The following F2 variants were observed in gnomAD, a reference collection of about 807,000 sequenced individuals.
The protein encoded by F2 is coagulation factor II, thrombin.
A neutral mutation model predicts 81.9 loss-of-function variants in F2; 34 were observed. The ratio of observed to expected loss-of-function variants is 0.42; its 90% CI spans 0.32 to 0.55. The LOEUF is 0.55. Ranked by LOEUF, F2 falls within the 20% of genes least tolerant of loss-of-function variation. The pLI is 0.18. For missense variants in F2, 630 were observed against 833.4 expected, an observed-to-expected ratio of 0.76 and a Z score of 3.00; for synonymous variants, 296 against 326.4, an observed-to-expected ratio of 0.91 and a Z score of 1.01.
In F2 at chr11:46,726,416, G is replaced by T. The variant is rs2064873239; in HGVS notation, c.875-82G>T. Reference sequence around the variant, plus strand: ...ACCTCTGCACCAAATGGCCTCCAAGGCCCGTAGGGGAATTGGGGGGATCTA... The same window carrying T: ...ACCTCTGCACCAAATGGCCTCCAAGTCCCGTAGGGGAATTGGGGGGATCTA... On this transcript the variant is annotated intron_variant, in intron 7 of 13. Coordinates refer to ENST00000311907, the MANE Select transcript of F2 (RefSeq NM_000506.5). This position sits in a 1 kb window ranked among gnomAD's most constrained non-coding sequence, Gnocchi z 5.9. The T allele has an allele frequency of 3.2e-6, 5 of 1,563,206 alleles. No homozygotes were observed. The highest frequency in any genetic ancestry group is 4.3e-6 in the Non-Finnish European group (5 of 1,154,728).
intron 12 of F2, 25 bp from the exon 13 acceptor site, chr11:46,739,023 G>C (rs373599880): frequency 5.0e-6 from 8 of 1,613,402 alleles, no homozygotes; most frequent in Non-Finnish European, 5.9e-6. Context: ...ATGCTCCTGA[G>C]CACAGACGGC....
At position 46,733,782 on chromosome 11, in the gene F2, C is replaced by CTTTTT. The variant is rs34296052; in HGVS notation, c.1654+4241_1654+4245dup. Among the ~76,000 whole-genome samples, 90 of 89,746 alleles carry CTTTTT rather than the reference C, an allele frequency of 1.0e-3. 1 individual carries two copies. Among genetic ancestry groups the CTTTTT allele is most frequent in the Admixed American group, 1.1e-3 (7 of 6,400 alleles). 58.9% of individuals were successfully genotyped at this position (89,746 alleles called of 152,430 possible). ...AACATCGTATCATATGATTAAGGAC[C>CTTTTT]TTTTTTTTTTTTTTTTTTTTTTTTG... On this transcript the variant is annotated intron_variant, in intron 12 of 13. Transcript: ENST00000311907.
intron 12 of F2, among the ~76,000 whole-genome samples, chr11:46,730,603 G>A (rs1393442012): frequency 6.6e-6 from 1 of 151,930 alleles, no homozygotes; most frequent in Admixed American, 6.6e-5. Context: ...ACTTTATTGA[G>A]TGAGATGGGA....
Position 46,720,777 on chromosome 11 carries a change from G to C in F2, c.266-13G>C, listed in dbSNP as rs1464453537. Reference sequence around the variant, plus strand: ...ACCCCAATCCCAAAGGTAAACACCTGGGTCTTTTCCAGCTTGTGAGACAGC... The same window carrying C: ...ACCCCAATCCCAAAGGTAAACACCTCGGTCTTTTCCAGCTTGTGAGACAGC... On this transcript the variant is annotated splice_polypyrimidine_tract_variant and intron_variant, in intron 3 of 13. Coordinates refer to ENST00000311907, the MANE Select transcript of F2 (RefSeq NM_000506.5). The C allele has an allele frequency of 6.2e-7, 1 of 1,613,970 alleles. No homozygotes were observed. The highest frequency in any genetic ancestry group is 1.3e-5 in the African/African-American group (1 of 74,930).
intron 12 of F2, among the ~76,000 whole-genome samples, chr11:46,735,530 G>A (rs2064938782): frequency 6.6e-6 from 1 of 152,258 alleles, no homozygotes; most frequent in South Asian, 2.1e-4. Context: ...GGCTGAGTTA[G>A]GAGGATTGCT....
intron 12 of F2, 35 bp from the exon 13 acceptor site, chr11:46,739,013 A>G: frequency 6.2e-7 from 1 of 1,611,428 alleles, no homozygotes; most frequent in Non-Finnish European, 8.5e-7. Context: ...GCTATGAGCT[A>G]TGCTCCTGAG....
At chr11:46,724,653 A>AT (rs1299869194) in intron 6 of F2, among the ~76,000 whole-genome samples, 20 of 152,128 alleles carry the variant, frequency 1.3e-4, no homozygotes, top group Non-Finnish European at 1.5e-5. Flanking sequence ...AGAGCAAGGG[A>AT]TGTGGATGCA....
At chr11:46,734,521 A>G (rs1592419144) in intron 12 of F2, among the ~76,000 whole-genome samples, 1 of 152,024 alleles carries the variant, frequency 6.6e-6, no homozygotes, top group East Asian at 1.9e-4. Context: ...TCAGAGATAA[A>G]CTTTTCCTGG....
At chr11:46,731,444 G>A (rs1002762983) in intron 12 of F2, among the ~76,000 whole-genome samples, 1 of 152,068 alleles carries the variant, frequency 6.6e-6, no homozygotes, top group African/African-American at 2.4e-5. Flanking sequence ...GCTTCCCAAA[G>A]TGCTGGGATT....
rs1017878031 is a variant in F2, at chr11:46,726,271, C to T, written c.874+98C>T. On this transcript the variant is annotated intron_variant, in intron 7 of 13. Transcript: ENST00000311907. This position sits in a 1 kb window ranked among gnomAD's most constrained non-coding sequence, Gnocchi z 5.9. ...TATCGAACGCTTACCTCATTGAGTG[C>T]GCTCATTACAGCCTTACAGTAACCA... is the stretch of plus-strand genomic sequence containing the variant. 2.8e-5 allele frequency: 42 copies of T among 1,511,692 alleles called. 1 individual carries two copies. The South Asian group carries it at 3.3e-4, about 12-fold the overall frequency. The allele number at this position is 1,511,692 out of a possible 1,614,324, so 93.6% of individuals were successfully genotyped here.
chr11:46,739,369 G>C lies in F2; in HGVS notation c.1830G>C (p.Lys610Asn). Reference protein sequence around the residue: ...YGFYTHVFRLKKWIQKVIDQF... With the variant: ...YGFYTHVFRLNKWIQKVIDQF... ...TCTACACACATGTGTTCCGCCTGAA[G>C]AAGTGGATACAGAAGGTCATTGATC... The change falls in exon 14 of 14, where the codon AAG becomes AAC. Residue 610 changes from lysine to asparagine, a missense_variant. Transcript: ENST00000311907. The C allele has an allele frequency of 6.2e-7, 1 of 1,614,220 alleles. No homozygotes were observed. The highest frequency in any genetic ancestry group is 1.1e-5 in the South Asian group (1 of 91,088).
chr11:46,727,901 G>A, intron 9 of F2, 95 bp from the exon 10 acceptor site: 1 of 1,446,874 alleles, frequency 6.9e-7, no homozygotes, highest in Non-Finnish European at 9.3e-7. Flanking sequence ...GCTCTGCCCA[G>A]CTGGGTTCTT....
chr11:46,723,005 A>G lies in F2; in HGVS notation c.317-175A>G. 1.4e-6 allele frequency: 1 copy of G among 727,632 alleles called. No individual in the cohort carries two copies. The highest frequency in any genetic ancestry group is 2.5e-6 in the Non-Finnish European group (1 of 399,694). The allele number at this position is 727,632 out of a possible 1,614,324, so 45.1% of individuals were successfully genotyped here. ...TGGTAGGCACTTAGCGAATATTTGG[A>G]GGCCACTGTTGAGTGAATGGGAGAA... On this transcript the variant is annotated intron_variant, in intron 4 of 13. Transcript: ENST00000311907. The surrounding 1 kb of genome is among the most constrained non-coding windows in gnomAD (Gnocchi z 5.6).
rs368817851 is a variant in F2 at position 46,729,605 on chromosome 11, C to G, written c.1654+44C>G. ...GGCTGAGGGAACAGTGGGGCCCAAG[C>G]TGGGAGAACTGAGTTGTGCCTGGGT... On this transcript the variant is annotated intron_variant, in intron 12 of 13. Coordinates refer to ENST00000311907, the MANE Select transcript of F2 (RefSeq NM_000506.5). 2.3e-4 allele frequency: 371 copies of G among 1,593,750 alleles called. 3 individuals carry two copies. The South Asian group carries it at 2.5e-3, about 11-fold the overall frequency.
chr11:46,730,040 T>A (rs2064901440), intron 12 of F2, among the ~76,000 whole-genome samples: 1 of 152,062 alleles, frequency 6.6e-6, no homozygotes, highest in East Asian at 1.9e-4. Context: ...GCTGATGAAG[T>A]GGGCTTCTAA....
At chr11:46,721,015 G>A (rs761202349) in intron 4 of F2, among the ~76,000 whole-genome samples, 175 bp downstream of exon 4, 1 of 152,068 alleles carries the variant, frequency 6.6e-6, no homozygotes, top group Non-Finnish European at 1.5e-5. Flanking sequence ...TCTGGCATGC[G>A]AACGAATGAA....
rs1310397756 is a variant in F2 at position 46,728,135 on chromosome 11, G to A, written c.1270G>A (p.Val424Met). 6.2e-7 allele frequency: 1 copy of A among 1,610,594 alleles called. No homozygotes were observed. Among genetic ancestry groups the A allele is most frequent in the Non-Finnish European group, 8.5e-7 (1 of 1,178,910 alleles). ...DKNFTENDLLVRIGKHSRTRY... is the reference protein window; with the variant it reads ...DKNFTENDLLMRIGKHSRTRY... ...GAACTTCACCGAGAATGACCTTCTG[G>A]TGCGCATTGGCAAGCACTCCCGCAC... Residue 424 changes from valine to methionine, a missense_variant, in exon 10 of 14, where the codon GTG (valine) becomes ATG (methionine). Transcript: ENST00000311907. The surrounding 1 kb of genome is among the most constrained non-coding windows in gnomAD (Gnocchi z 5.1).
rs1026722245 is a variant in F2 at position 46,723,452 on chromosome 11, A to G, written c.493A>G (p.Thr165Ala). 1 of 1,613,940 alleles carries G rather than the reference A, an allele frequency of 6.2e-7. No homozygotes were observed. The highest frequency in any genetic ancestry group is 1.3e-5 in the African/African-American group (1 of 74,914). ...NFCRNPDSST[T>A]GPWCYTTDPT... ...CTGCCGCAACCCCGACAGCAGCACC[A>G]CGGGACCCTGGTGCTACACTACAGA... Residue 165 changes from threonine to alanine, a missense_variant, in exon 6 of 14, where the codon ACG becomes GCG. Thr to Ala is a moderately conservative substitution (Grantham distance 58). Coordinates refer to ENST00000311907, the MANE Select transcript of F2 (RefSeq NM_000506.5). The surrounding 1 kb of genome is among the most constrained non-coding windows in gnomAD (Gnocchi z 5.6).
intron 12 of F2, among the ~76,000 whole-genome samples, chr11:46,737,302 C>T (rs1048029116): frequency 2.6e-5 from 4 of 151,690 alleles, no homozygotes; most frequent in Non-Finnish European, 5.9e-5. Context: ...CCACCATGCC[C>T]GGCTAATTTT....
Sources: gnomAD v4.1 joint callset for allele counts (sites outside exome capture counted in the v4.1 genomes callset) on GRCh38, gnomAD v4.1.1 for gene constraint, Gnocchi (gnomAD v3.1) non-coding constraint, MANE v1.5 for transcripts, NCBI Gene and HGNC (gene_info 2026-07-23, HGNC 2026-07-21) for gene names.